The following EPB41L3 variants were observed in gnomAD, a reference collection of about 807,000 sequenced individuals.
EPB41L3 encodes the protein erythrocyte membrane protein band 4.1 like 3, also known as band 4.1-like protein 3.
EPB41L3 carries 57 observed loss-of-function variants against 127.1 expected under a neutral mutation model. The ratio of observed to expected loss-of-function variants is 0.45; its 90% confidence interval spans 0.36 to 0.56. The LOEUF (loss-of-function observed/expected upper bound fraction) is 0.56, where lower values mean the gene tolerates loss of function less well. EPB41L3 is among the 20% of genes least tolerant of loss of function. EPB41L3 has a pLI of 0.00. For missense variants in EPB41L3, 1,273 were observed against 1,372.2 expected (o/e 0.93, Z 1.14); for synonymous variants, 572 against 549.5 (o/e 1.04, Z -0.57).
intron 1 of EPB41L3, among the ~76,000 whole-genome samples, chr18:5,491,501 C>A (rs1451012049): frequency 6.6e-6 from 1 of 152,186 alleles, no homozygotes; most frequent in Non-Finnish European, 1.5e-5. Context: ...CAGCAGTACA[C>A]AAGCTAAATA....
chr18:5,574,247 T>C (rs2094314325), intron 3 of EPB41L3, among the ~76,000 whole-genome samples: 1 of 152,058 alleles, frequency 6.6e-6, no homozygotes, highest in East Asian at 1.9e-4. Context: ...CAGATTTTTT[T>C]CTTGTTTAGA....
chr18:5,433,834 G>C, intron 7 of EPB41L3, 69 bp downstream of exon 7: 1 of 1,505,712 alleles, frequency 6.6e-7, no homozygotes. Context: ...GTACTGGGAA[G>C]AGGTGGGTTG....
chr18:5,458,693 T>G (rs999324146), intron 3 of EPB41L3, among the ~76,000 whole-genome samples: 1 of 135,160 alleles, frequency 7.4e-6, no homozygotes, highest in Non-Finnish European at 1.6e-5. Context: ...ATTAAATATG[T>G]AATTGGTCTT....
chr18:5,599,762 C>T (rs528241420), intron 3 of EPB41L3, among the ~76,000 whole-genome samples: 3 of 152,142 alleles, frequency 2.0e-5, no homozygotes, highest in Non-Finnish European at 2.9e-5. Context: ...AGCCACTATG[C>T]TTCCTGTACA....
At chr18:5,410,780 G>A (rs1347112292) in intron 13 of EPB41L3, among the ~76,000 whole-genome samples, 161 bp from the exon 14 acceptor site, 1 of 152,142 alleles carries the variant, frequency 6.6e-6, no homozygotes, top group Non-Finnish European at 1.5e-5. Flanking sequence ...TTCAAGCAAA[G>A]CAACAGAAGG....
chr18:5,592,357 G>T (rs1055314734), intron 3 of EPB41L3, among the ~76,000 whole-genome samples: 3 of 152,156 alleles, frequency 2.0e-5, no homozygotes, highest in Non-Finnish European at 4.4e-5. Context: ...AGGAGAGACA[G>T]GGTTTCACCA....
intron 1 of EPB41L3, among the ~76,000 whole-genome samples, chr18:5,536,247 AT>A (rs1221486885): frequency 2.0e-5 from 3 of 151,856 alleles, no homozygotes; most frequent in Non-Finnish European, 2.9e-5. Flanking sequence ...AGAGATTTTA[AT>A]TTTTTTAAAT....
chr18:5,579,111 A>G (rs2143116751), intron 3 of EPB41L3, among the ~76,000 whole-genome samples: 1 of 152,406 alleles, frequency 6.6e-6, no homozygotes, highest in East Asian at 1.9e-4. Flanking sequence ...ATCACAATGT[A>G]GATGAAACTT....
intron 3 of EPB41L3, among the ~76,000 whole-genome samples, chr18:5,568,745 G>T (rs2094240548): frequency 1.3e-5 from 2 of 152,236 alleles, no homozygotes; most frequent in African/African-American, 2.4e-5. Context: ...TGTTCCTAAG[G>T]CCCATAGTTT....
At chr18:5,574,381 T>G (rs1599058046) in intron 3 of EPB41L3, among the ~76,000 whole-genome samples, 1 of 18,908 alleles carries the variant, frequency 5.3e-5, no homozygotes, top group African/African-American at 8.3e-5. Context: ...CTAGAATCAG[T>G]TTTTTTTTTT....
rs577438215 is a variant in EPB41L3 at position 5,433,056 on chromosome 18, G to A, written c.912+413C>T. On this transcript the variant is annotated intron_variant, in intron 8 of 22. Transcript: ENST00000341928. ...GGAAAGAGGAGGATAGTCCAGAGAC[G>A]GACATAGTCAGGGAAAGCGTAGAAA... Among the ~76,000 whole-genome samples the A allele has an allele frequency of 1.6e-4, 25 of 152,272 alleles. No homozygotes were observed. The South Asian group carries it at 4.6e-3, about 28-fold the overall frequency.
At chr18:5,504,965 C>T (rs180703273) in intron 1 of EPB41L3, among the ~76,000 whole-genome samples, 1 of 152,228 alleles carries the variant, frequency 6.6e-6, no homozygotes, top group East Asian at 1.9e-4. Context: ...ACCCATTTCC[C>T]CAAGCACTCC....
chr18:5,603,954 A>G (rs2094618853), intron 3 of EPB41L3, among the ~76,000 whole-genome samples: 1 of 152,120 alleles, frequency 6.6e-6, no homozygotes, highest in African/African-American at 2.4e-5. Context: ...TCAAACTCAA[A>G]TCTCTGGAAG....
chr18:5,510,599 C>G (rs952399676), intron 1 of EPB41L3, among the ~76,000 whole-genome samples: 2 of 152,172 alleles, frequency 1.3e-5, no homozygotes, highest in African/African-American at 4.8e-5. Flanking sequence ...GGCTTTATTT[C>G]TGGACTATCA....
chr18:5,541,596 T>C (rs896735357), intron 1 of EPB41L3, among the ~76,000 whole-genome samples: 3 of 152,144 alleles, frequency 2.0e-5, no homozygotes, highest in African/African-American at 7.2e-5. Context: ...GACCAACCAG[T>C]TTTTAAAAAA....
intron 2 of EPB41L3, among the ~76,000 whole-genome samples, chr18:5,613,280 T>G (rs759100403): frequency 6.6e-6 from 1 of 152,108 alleles, no homozygotes; most frequent in Non-Finnish European, 1.5e-5. Flanking sequence ...AGAGTTACAG[T>G]AACAAAAATG....
intron 11 of EPB41L3, among the ~76,000 whole-genome samples, chr18:5,421,829 C>T (rs190455318): frequency 2.4e-4 from 36 of 151,802 alleles, no homozygotes; most frequent in Admixed American, 1.0e-3. Context: ...CAGACAGTGG[C>T]GGGGGTGGTG....
At position 5,530,533 on chromosome 18, in the gene EPB41L3, G is replaced by T. The variant is rs182771480; in HGVS notation, c.-12+13380C>A. Among the ~76,000 whole-genome samples, 13 of 152,108 alleles carry T rather than the reference G, an allele frequency of 8.5e-5. No homozygotes were observed. In the South Asian group the frequency reaches 1.2e-3, roughly 15 times the overall value. On this transcript the variant is annotated intron_variant, in intron 1 of 22. Transcript: ENST00000341928. Reference sequence around the variant, plus strand: ...AGGGCCCTGAACTCTGACCCCAGCTGCCCCTAAGACTCATCTCTCCCACTG... The same window carrying T: ...AGGGCCCTGAACTCTGACCCCAGCTTCCCCTAAGACTCATCTCTCCCACTG...
At chr18:5,395,175 A>C in intron 20 of EPB41L3, 28 bp from the exon 21 acceptor site, 1 of 1,595,836 alleles carries the variant, frequency 6.3e-7, no homozygotes, top group East Asian at 2.2e-5. Context: ...AAGCTTTATG[A>C]ATTTACTCAC....
Sources: allele counts gnomAD v4.1 joint callset (sites outside exome capture counted in the v4.1 genomes callset), GRCh38; gene constraint gnomAD v4.1.1; transcripts MANE v1.5; gene names NCBI Gene and HGNC (gene_info 2026-07-23, HGNC 2026-07-21).